The following ZNF292 variants were observed in gnomAD, a reference collection of about 807,000 sequenced individuals.
ZNF292 encodes 16 zinc-finger domain protein.
In ZNF292, 26 loss-of-function variants were observed where a neutral mutation model predicts 217.9. That is an observed-to-expected ratio of 0.12 (90% CI 0.09 to 0.17). The LOEUF is 0.17. ZNF292 is among the 10% of genes least tolerant of loss of function. The pLI is 1.00. For missense variants in ZNF292, 2,904 were observed against 3,175.2 expected, an observed-to-expected ratio of 0.91 and a Z score of 2.05; for synonymous variants, 1,257 against 1,124.1, an observed-to-expected ratio of 1.12 and a Z score of -2.37.
intron 1 of ZNF292, among the ~76,000 whole-genome samples, chr6:87,156,539 C>G (rs1450423379): frequency 6.6e-6 from 1 of 152,198 alleles, no homozygotes; most frequent in Non-Finnish European, 1.5e-5. Context: ...TGCTTTCGCC[C>G]TTCGAGGAGT....
At chr6:87,223,483 T>C (rs1773194566) in intron 4 of ZNF292, 1 of 152,236 alleles carries the variant, frequency 6.6e-6, no homozygotes, top group East Asian at 1.9e-4. Context: ...TTCCATGTTA[T>C]ATTCTTTAGA....
At chr6:87,168,504 G>A (rs1425039376) in intron 1 of ZNF292, among the ~76,000 whole-genome samples, 1 of 152,062 alleles carries the variant, frequency 6.6e-6, no homozygotes, top group African/African-American at 2.4e-5. Context: ...GTCGAGTTTC[G>A]CTCTTGTCAG....
intron 4 of ZNF292, among the ~76,000 whole-genome samples, chr6:87,229,708 G>A (rs1387208831): frequency 2.0e-5 from 3 of 152,192 alleles, no homozygotes; most frequent in Admixed American, 6.5e-5. Context: ...TTACAGGTGT[G>A]AGCCACCGTG....
intron 5 of ZNF292, among the ~76,000 whole-genome samples, chr6:87,235,583 C>A (rs556563864): frequency 2.7e-4 from 41 of 151,340 alleles, no homozygotes; most frequent in Non-Finnish European, 3.4e-4. Flanking sequence ...AAAAAAAAAT[C>A]TGTATTTCTA....
In ZNF292 at chr6:87,257,797, C is replaced by T. The variant is rs759671687; in HGVS notation, c.4168C>T (p.Leu1390=). The T allele has an allele frequency of 6.2e-7, 1 of 1,613,824 alleles. No individual in the cohort carries two copies. The highest frequency in any genetic ancestry group is 2.2e-5 in the East Asian group (1 of 44,876). Residue 1390 remains leucine (L), a synonymous_variant, in exon 8 of 8, where the codon CTG becomes TTG. Coordinates refer to ENST00000369577, the MANE Select transcript of ZNF292 (RefSeq NM_015021.3). ...CYRAFTNPRS[L]GGHLSKRSYC... is the part of the protein sequence containing the mutation. ...CAGGGCTTTTACTAATCCCAGATCACTGGGTGGGCACTTATCCAAGCGATC... is the reference window on the plus strand; with the variant it reads ...CAGGGCTTTTACTAATCCCAGATCATTGGGTGGGCACTTATCCAAGCGATC...
intron 3 of ZNF292, among the ~76,000 whole-genome samples, 194 bp from the exon 4 acceptor site, chr6:87,218,402 A>G (rs1280567261): frequency 6.6e-6 from 1 of 152,196 alleles, no homozygotes; most frequent in Admixed American, 6.5e-5. Context: ...ATATTTATTT[A>G]AGATTTGTAA....
intron 1 of ZNF292, among the ~76,000 whole-genome samples, chr6:87,204,577 T>TTTTTTTTTTTTTC (rs1772188682): frequency 6.8e-6 from 1 of 146,264 alleles, no homozygotes; most frequent in African/African-American, 2.6e-5. Flanking sequence ...TTTTTTTTTT[T>TTTTTTTTTTTTTC]TTTGATACTA....
chr6:87,156,348 G>A (rs1342046394), intron 1 of ZNF292, among the ~76,000 whole-genome samples: 4 of 152,196 alleles, frequency 2.6e-5, no homozygotes. Flanking sequence ...CCTTCTAGTT[G>A]AGCTAGACGT....
At chr6:87,192,201 G>A (rs766914999) in intron 1 of ZNF292, among the ~76,000 whole-genome samples, 5 of 152,234 alleles carry the variant, frequency 3.3e-5, no homozygotes, top group Non-Finnish European at 7.4e-5. Context: ...TATGGTTTAC[G>A]GATTGATTTA....
At position 87,265,109 on chromosome 6, in the gene ZNF292, T is replaced by TCTCTC; in HGVS notation, c.*3308_*3309insCTCTC. Among the ~76,000 whole-genome samples the TCTCTC allele has an allele frequency of 6.6e-6, 1 of 151,566 alleles. No individual in the cohort carries two copies. The highest frequency in any genetic ancestry group is 2.4e-5 in the African/African-American group (1 of 41,036). On this transcript the variant is annotated 3_prime_UTR_variant, in exon 8 of 8. Coordinates refer to ENST00000369577, the MANE Select transcript of ZNF292 (RefSeq NM_015021.3). ...TGTAGTTCTCTCTCTCTCTCTCTCT[T>TCTCTC]TTTTTTTCTTTGTTTTTTTTGGAGA...
chr6:87,155,921 A>G lies in ZNF292; in HGVS notation c.168+162A>G, dbSNP rs945787642. ...AAGGAAGGCGCCTTTGTGTGGCTGCAGTTGTGGCGGTTGTTGTCGTCTGCA... is the reference window on the plus strand; with the variant it reads ...AAGGAAGGCGCCTTTGTGTGGCTGCGGTTGTGGCGGTTGTTGTCGTCTGCA... On this transcript the variant is annotated intron_variant, in intron 1 of 7. Transcript: ENST00000369577. Among the ~76,000 whole-genome samples, 147 of 152,332 alleles carry G rather than the reference A, an allele frequency of 9.6e-4. 1 individual carries two copies. Among genetic ancestry groups the G allele is most frequent in the African/African-American group, 3.2e-3 (135 of 41,578 alleles).
At chr6:87,233,672 A>G (rs1353279225) in intron 5 of ZNF292, 145 bp downstream of exon 5, 18 of 1,411,266 alleles carry the variant, frequency 1.3e-5, no homozygotes, top group Non-Finnish European at 1.4e-5. Flanking sequence ...AGTGGTGGCA[A>G]CTTGATTCTA....
chr6:87,156,864 G>C (rs1400894124), intron 1 of ZNF292, among the ~76,000 whole-genome samples: 1 of 152,196 alleles, frequency 6.6e-6, no homozygotes, highest in Non-Finnish European at 1.5e-5. Flanking sequence ...TTTCAAGGTA[G>C]TGTTGCTGGC....
At chr6:87,253,214 C>A (rs1291293145) in intron 7 of ZNF292, among the ~76,000 whole-genome samples, 1 of 136,590 alleles carries the variant, frequency 7.3e-6, no homozygotes, top group Admixed American at 8.2e-5. Context: ...AGCCACCATG[C>A]CCAGCCTTTT....
chr6:87,217,174 A>G (rs1772829277), intron 3 of ZNF292, among the ~76,000 whole-genome samples: 1 of 152,058 alleles, frequency 6.6e-6, no homozygotes, highest in South Asian at 2.1e-4. Flanking sequence ...TGTAAGAAAT[A>G]TATTAAAGAG....
intron 1 of ZNF292, among the ~76,000 whole-genome samples, chr6:87,167,182 G>A (rs1770946068): frequency 6.6e-6 from 1 of 152,208 alleles, no homozygotes; most frequent in Non-Finnish European, 1.5e-5. Flanking sequence ...TCCATTAGCA[G>A]TTACTTGGTG....
In ZNF292 at chr6:87,256,141, G is replaced by A. The variant is rs1430472394; in HGVS notation, c.2512G>A (p.Val838Met). Reference protein sequence around the residue: ...LDDHSTPPEKVLPPEAQLNSS... With the variant: ...LDDHSTPPEKMLPPEAQLNSS... ...TGATCACAGTACTCCTCCTGAAAAA[G>A]TGCTGCCTCCTGAAGCCCAACTTAA... The change falls in exon 8 of 8, where the codon GTG becomes ATG. Residue 838 changes from valine to methionine, a missense_variant. By Grantham distance (21) the Val-to-Met change is conservative (BLOSUM62 1). Around this residue, in one of 15 missense-constraint regions of ZNF292, gnomAD observed 687 missense variants for 623.0 expected, o/e 1.10. Transcript: ENST00000369577. 1.9e-6 allele frequency: 3 copies of A among 1,613,760 alleles called. No homozygotes were observed. The East Asian group carries it at 6.7e-5, about 36-fold the overall frequency.
chr6:87,159,270 T>C (rs1449463439), intron 1 of ZNF292, among the ~76,000 whole-genome samples: 4 of 152,122 alleles, frequency 2.6e-5, no homozygotes, highest in Non-Finnish European at 5.9e-5. Context: ...GCCCCCCCTT[T>C]GCTTATTTAA....
At chr6:87,250,549 A>G (rs1323682437) in intron 7 of ZNF292, among the ~76,000 whole-genome samples, 2 of 152,246 alleles carry the variant, frequency 1.3e-5, no homozygotes, top group Non-Finnish European at 2.9e-5. Context: ...AGTAATATGT[A>G]GCCATTGTAT....
Sources: gnomAD v4.1 joint callset for allele counts (sites outside exome capture counted in the v4.1 genomes callset) on GRCh38, gnomAD v4.1.1 for gene constraint, gnomAD v4.1.1 regional missense constraint, MANE v1.5 for transcripts, NCBI Gene and HGNC (gene_info 2026-07-23, HGNC 2026-07-21) for gene names.